SLC39A10: variants seen among roughly 807,000 people sequenced by gnomAD.
The protein encoded by SLC39A10 is solute carrier family 39 member 10, also known as zinc transporter ZIP10.
Under a neutral mutation model 65.1 loss-of-function variants are expected in SLC39A10, and 13 were observed. That is an observed-to-expected ratio of 0.20 (90% CI 0.13 to 0.32). The LOEUF (loss-of-function observed/expected upper bound fraction) is 0.32. SLC39A10 is among the 10% of genes least tolerant of loss of function. The pLI is 1.00. For synonymous variants in SLC39A10, 321 were observed against 342.2 expected (o/e 0.94, Z 0.68); for missense variants, 831 against 1,018.4 (o/e 0.82, Z 2.50).
chr2:195,663,509 G>A (rs571072334), intron 1 of SLC39A10, among the ~76,000 whole-genome samples: 61 of 152,052 alleles, frequency 4.0e-4, no homozygotes, highest in African/African-American at 1.4e-3. Context: ...GTAAGAAAAC[G>A]TAATAATAAG....
rs573369524 is a variant in SLC39A10, at chr2:195,733,350, C to A, written c.2338-1533C>A. ...AAAATTGGAAGTAGCAATTCCTTCACAATTTTAGATTAGGTTTGGGTGGAA... is the reference window on the plus strand; with the variant it reads ...AAAATTGGAAGTAGCAATTCCTTCAAAATTTTAGATTAGGTTTGGGTGGAA... On this transcript the variant is annotated intron_variant, in intron 9 of 9. Coordinates refer to ENST00000359634, the MANE Select transcript of SLC39A10 (RefSeq NM_020342.3). Among the ~76,000 whole-genome samples the A allele has an allele frequency of 2.3e-3, 350 of 152,250 alleles. 1 individual carries two copies. Among genetic ancestry groups the A allele is most frequent in the African/African-American group, 7.8e-3 (326 of 41,534 alleles).
At chr2:195,703,842 T>A (rs1691291857) in intron 3 of SLC39A10, among the ~76,000 whole-genome samples, 1 of 152,068 alleles carries the variant, frequency 6.6e-6, no homozygotes, top group Non-Finnish European at 1.5e-5. Flanking sequence ...TTTGCAGAGA[T>A]GGGGTTTTGC....
At chr2:195,654,025 A>T (rs1266601310), upstream of SLC39A10, among the ~76,000 whole-genome samples, 1 of 151,516 alleles carries the variant, frequency 6.6e-6, no homozygotes, top group Non-Finnish European at 1.5e-5. Context: ...CGCAACCTCC[A>T]CCTCCCAGGT....
At chr2:195,666,811 C>T (rs1689655401) in intron 1 of SLC39A10, among the ~76,000 whole-genome samples, 1 of 152,210 alleles carries the variant, frequency 6.6e-6, no homozygotes, top group Non-Finnish European at 1.5e-5. Context: ...AAATCATAAA[C>T]ATTTTAGTAG....
At chr2:195,730,396 C>T (rs554848834) in intron 9 of SLC39A10, among the ~76,000 whole-genome samples, 4 of 152,260 alleles carry the variant, frequency 2.6e-5, no homozygotes, top group Middle Eastern at 3.4e-3. Context: ...GTGGCATGAT[C>T]GCAGCTCACT....
In SLC39A10 at chr2:195,736,068, A is replaced by G. The variant is rs1574330096; in HGVS notation, c.*1027A>G. 2 of 152,700 alleles carry G rather than the reference A, an allele frequency of 1.3e-5. No homozygotes were observed. The highest frequency in any genetic ancestry group is 1.3e-4 in the Admixed American group (2 of 15,288). The allele number at this position is 152,700 out of a possible 1,614,324, so 9.5% of individuals were successfully genotyped here. ...GTAAAGCAGAAAATCGAAGTTTACC[A>G]TGTCTGTAATGTGTACATGAAGTGT... On this transcript the variant is annotated 3_prime_UTR_variant, in exon 10 of 10. Coordinates refer to ENST00000359634, the MANE Select transcript of SLC39A10 (RefSeq NM_020342.3).
rs117711103 is a variant in SLC39A10 at position 195,666,662 on chromosome 2, A to T, written c.-12+9381A>T. ...TTTTCTGTAGAGATGGGGTTTGGCC[A>T]TGTTGCTCAGGATGCTCTCAAATTC... On this transcript the variant is annotated intron_variant, in intron 1 of 9. Transcript: ENST00000359634. Among the ~76,000 whole-genome samples the T allele has an allele frequency of 7.2e-5, 11 of 152,292 alleles. No individual in the cohort carries two copies. In the East Asian group the frequency reaches 2.1e-3, roughly 29 times the overall value.
At chr2:195,656,971 A>C (rs1195191404), upstream of SLC39A10, 1 of 152,252 alleles carries the variant, frequency 6.6e-6, no homozygotes. Flanking sequence ...GTTTGCGTAG[A>C]CTTGAATTTC....
chr2:195,616,885 G>A (rs1291021116), intron 2 of SLC39A10, among the ~76,000 whole-genome samples: 1 of 152,186 alleles, frequency 6.6e-6, no homozygotes, highest in Non-Finnish European at 1.5e-5. Flanking sequence ...TTACAGGCGG[G>A]AGCCACCGCC....
chr2:195,725,233 A>T (rs768232049), intron 8 of SLC39A10, among the ~76,000 whole-genome samples: 8 of 152,164 alleles, frequency 5.3e-5, no homozygotes, highest in Non-Finnish European at 1.2e-4. Flanking sequence ...GTATTCTTAG[A>T]TACAGCACTA....
chr2:195,704,796 G>GTTGT (rs74489299), intron 3 of SLC39A10, among the ~76,000 whole-genome samples: 22,162 of 151,414 alleles, frequency 0.15, 1,896 homozygotes, highest in African/African-American at 0.23. Flanking sequence ...TTTTGTTGTT[G>GTTGT]TTGTTTGTTT....
chr2:195,621,468 A>G lies in SLC39A10; in HGVS notation c.-12+15235A>G, dbSNP rs192277389. 5.3e-5 allele frequency among the ~76,000 whole-genome samples: 8 copies of G among 152,272 alleles called. No homozygotes were observed. The East Asian group carries it at 1.5e-3, about 29-fold the overall frequency. ...GTTTGATGGAGTTTGTTTTCTTGGT[A>G]CTGAATTCAGCGTAGGGGCAAGGAC... On this transcript the variant is annotated intron_variant, in intron 2 of 2. Coordinates refer to the SLC39A10 transcript ENST00000458054.
chr2:195,622,291 C>T (rs978003335), intron 2 of SLC39A10, among the ~76,000 whole-genome samples: 1 of 151,738 alleles, frequency 6.6e-6, no homozygotes, highest in African/African-American at 2.4e-5. Flanking sequence ...GCTTGAGCCC[C>T]GGAGGTCAAG....
chr2:195,717,958 T>G (rs1277550088), intron 7 of SLC39A10, among the ~76,000 whole-genome samples: 1 of 152,206 alleles, frequency 6.6e-6, no homozygotes, highest in African/African-American at 2.4e-5. Context: ...ACCACTACTT[T>G]GAAGTTCTGA....
chr2:195,634,763 T>A (rs1463561121), intron 2 of SLC39A10, among the ~76,000 whole-genome samples: 2 of 152,172 alleles, frequency 1.3e-5, no homozygotes, highest in Non-Finnish European at 2.9e-5. Flanking sequence ...AACATTGACC[T>A]CAGGCCAGGT....
chr2:195,649,023 C>A (rs769356349), intron 2 of SLC39A10, among the ~76,000 whole-genome samples: 7 of 152,064 alleles, frequency 4.6e-5, no homozygotes, highest in African/African-American at 1.7e-4. Context: ...TAGGTGAGAT[C>A]ATCTATGAGA....
At chr2:195,708,173 A>C (rs1314443449) in intron 4 of SLC39A10, among the ~76,000 whole-genome samples, 1 of 152,202 alleles carries the variant, frequency 6.6e-6, no homozygotes, top group African/African-American at 2.4e-5. Context: ...GACCTGTGTA[A>C]CAAACCTGCA....
intron 1 of SLC39A10, among the ~76,000 whole-genome samples, chr2:195,678,737 TACAG>T (rs1690191459): frequency 2.6e-5 from 4 of 152,244 alleles, no homozygotes; most frequent in Admixed American, 6.5e-5. Context: ...GCACTTGAAA[TACAG>T]TTAGACTGAA....
At chr2:195,625,948 T>C (rs908056506) in intron 2 of SLC39A10, among the ~76,000 whole-genome samples, 4 of 152,192 alleles carry the variant, frequency 2.6e-5, no homozygotes, top group Non-Finnish European at 4.4e-5. Flanking sequence ...CATACCTGGC[T>C]AATTTTTGTA....
Sources: gnomAD v4.1 joint callset for allele counts (sites outside exome capture counted in the v4.1 genomes callset) on GRCh38, gnomAD v4.1.1 for gene constraint, MANE v1.5 for transcripts, NCBI Gene and HGNC (gene_info 2026-07-23, HGNC 2026-07-21) for gene names.